PSEN1: variants seen among roughly 807,000 people sequenced by gnomAD.
PSEN1 encodes presenilin 1.
Under a neutral mutation model 53.5 loss-of-function variants are expected in PSEN1, and 15 were observed. The observed-to-expected ratio is 0.28, with a 90% CI of 0.19 to 0.43. The LOEUF is 0.43. Among genes scored for constraint, PSEN1 ranks in the 20% least tolerant of loss-of-function variants. PSEN1 has a pLI of 1.00. For missense variants in PSEN1, 387 were observed against 571.2 expected, an observed-to-expected ratio of 0.68 and a Z score of 3.29; for synonymous variants, 208 against 209.8, an observed-to-expected ratio of 0.99 and a Z score of 0.08.
At chr14:73,154,585 A>AGT (rs1213375650) in intron 3 of PSEN1, among the ~76,000 whole-genome samples, 1 of 152,166 alleles carries the variant, frequency 6.6e-6, no homozygotes, top group Admixed American at 6.6e-5. Context: ...TGGGCAGCAA[A>AGT]GTGAGACCCT....
In PSEN1 at chr14:73,202,418, C is replaced by T. The variant is rs28482166; in HGVS notation, c.869-3968C>T. Among the ~76,000 whole-genome samples, 262 of 27,194 alleles carry T rather than the reference C, an allele frequency of 9.6e-3. 4 individuals carry two copies. The highest frequency in any genetic ancestry group is 0.022 in the African/African-American group (133 of 5,920). 17.8% of individuals were successfully genotyped at this position (27,194 alleles called of 152,430 possible). On this transcript the variant is annotated intron_variant, in intron 8 of 11. Transcript: ENST00000324501. ...TCTGTTTTAAAATATCTATCACATA[C>T]TATATATATATATATATATATATAT... is the stretch of plus-strand genomic sequence containing the variant.
At chr14:73,217,720 C>G in intron 11 of PSEN1, among the ~76,000 whole-genome samples, 1 of 151,836 alleles carries the variant, frequency 6.6e-6, no homozygotes, top group East Asian at 1.9e-4. Context: ...GTGAGAGGAG[C>G]TGGTGCCATG....
chr14:73,159,245 G>A (rs925001464), intron 3 of PSEN1, among the ~76,000 whole-genome samples: 4 of 151,144 alleles, frequency 2.6e-5, no homozygotes, highest in Admixed American at 6.6e-5. Context: ...ATAGTGGTGT[G>A]ATTATAGCTC....
At chr14:73,140,242 CCT>C (rs1290551726) in intron 1 of PSEN1, among the ~76,000 whole-genome samples, 1 of 136,876 alleles carries the variant, frequency 7.3e-6, no homozygotes, top group Non-Finnish European at 1.6e-5. Context: ...ACAGAGTCTC[CCT>C]CTGTCGCCCA....
intron 9 of PSEN1, among the ~76,000 whole-genome samples, chr14:73,209,194 CA>C (rs897153796): frequency 7.9e-5 from 12 of 152,214 alleles, no homozygotes; most frequent in Non-Finnish European, 1.8e-4. Flanking sequence ...ACTTCTGCCC[CA>C]CCAACTCAGA....
intron 3 of PSEN1, among the ~76,000 whole-genome samples, chr14:73,162,494 G>T (rs997358172): frequency 6.7e-6 from 1 of 148,472 alleles, no homozygotes; most frequent in South Asian, 2.2e-4. Flanking sequence ...GAGAGAGAGA[G>T]CACGCGAACA....
At chr14:73,185,079 A>G (rs1566637374) in intron 5 of PSEN1, among the ~76,000 whole-genome samples, 3 of 147,154 alleles carry the variant, frequency 2.0e-5, no homozygotes, top group Non-Finnish European at 4.5e-5. Context: ...CTCACTTCCT[A>G]GGTGGGATGG....
intron 4 of PSEN1, 99 bp from the exon 5 acceptor site, chr14:73,173,467 A>G: frequency 8.0e-7 from 1 of 1,245,496 alleles, no homozygotes; most frequent in Non-Finnish European, 1.2e-6. Context: ...TAAGATACGA[A>G]TTGAATTAAG....
At chr14:73,176,573 CTG>C (rs1566632296) in intron 5 of PSEN1, among the ~76,000 whole-genome samples, 1 of 152,206 alleles carries the variant, frequency 6.6e-6, no homozygotes, top group African/African-American at 2.4e-5. Context: ...TTTAATTTTT[CTG>C]TGTTTTCATA....
At chr14:73,156,694 GCT>G (rs1322154127) in intron 3 of PSEN1, among the ~76,000 whole-genome samples, 1 of 150,572 alleles carries the variant, frequency 6.6e-6, no homozygotes, top group Non-Finnish European at 1.5e-5. Flanking sequence ...ATGGAGTCTT[GCT>G]CTGTCACCCA....
At chr14:73,162,441 T>TCGCG (rs1211303902) in intron 3 of PSEN1, among the ~76,000 whole-genome samples, 1 of 137,726 alleles carries the variant, frequency 7.3e-6, no homozygotes, top group Non-Finnish European at 1.6e-5. Flanking sequence ...TCTCGCTCGC[T>TCGCG]CGCGCGCTCT....
At chr14:73,176,024 A>G (rs1404712406) in intron 5 of PSEN1, among the ~76,000 whole-genome samples, 1 of 152,252 alleles carries the variant, frequency 6.6e-6, no homozygotes, top group Admixed American at 6.5e-5. Context: ...GTTACTAGTA[A>G]TATCACATAC....
intron 3 of PSEN1, among the ~76,000 whole-genome samples, chr14:73,167,223 C>T (rs1418203028): frequency 6.6e-6 from 1 of 152,122 alleles, no homozygotes; most frequent in Non-Finnish European, 1.5e-5. Flanking sequence ...AAGTCACTCC[C>T]ATGATAACTA....
rs949988293 is a variant in PSEN1 at position 73,220,946 on chromosome 14, C to A, written c.*1657C>A. The A allele has an allele frequency of 6.6e-6, 1 of 152,256 alleles. No individual in the cohort carries two copies. Among genetic ancestry groups the A allele is most frequent in the Non-Finnish European group, 1.5e-5 (1 of 68,120 alleles). 9.4% of individuals were successfully genotyped at this position (152,256 alleles called of 1,614,324 possible). ...GCGTTTATGAGAAACTTAGTTTCCT[C>A]CTGTGGCTGAGGAGGGGCCAGCTTT... On this transcript the variant is annotated 3_prime_UTR_variant, in exon 12 of 12. Transcript: ENST00000324501.
chr14:73,193,547 CTCAAAAAAAAAAAAAAA>C (rs1898811368), intron 7 of PSEN1, among the ~76,000 whole-genome samples: 1 of 64,968 alleles, frequency 1.5e-5, no homozygotes, highest in Non-Finnish European at 2.8e-5. Context: ...GAGACTCTGT[CTCAAAAAAAAAAAAAAA>C]GCAAAAAAAA....
chr14:73,195,605 T>G (rs1898907413), intron 7 of PSEN1, among the ~76,000 whole-genome samples: 1 of 152,150 alleles, frequency 6.6e-6, no homozygotes, highest in Non-Finnish European at 1.5e-5. Flanking sequence ...TTTTTTCTGT[T>G]TTAAGAAACA....
intron 3 of PSEN1, among the ~76,000 whole-genome samples, chr14:73,150,289 T>A (rs1007931904): frequency 1.2e-4 from 18 of 152,152 alleles, no homozygotes; most frequent in Admixed American, 1.3e-4. Flanking sequence ...AAGAGACTAG[T>A]TATATGACAA....
chr14:73,157,418 C>T (rs1422132755), intron 3 of PSEN1, among the ~76,000 whole-genome samples: 1 of 152,032 alleles, frequency 6.6e-6, no homozygotes, highest in Non-Finnish European at 1.5e-5. Flanking sequence ...GGATTACAGG[C>T]GTGAGTCACC....
chr14:73,157,039 C>A (rs1348154291), intron 3 of PSEN1, among the ~76,000 whole-genome samples: 2 of 152,004 alleles, frequency 1.3e-5, no homozygotes, highest in African/African-American at 4.8e-5. Flanking sequence ...CAAGATTTTT[C>A]CTTTCGGAAA....
Sources: allele counts gnomAD v4.1 joint callset (sites outside exome capture counted in the v4.1 genomes callset), GRCh38; gene constraint gnomAD v4.1.1; transcripts MANE v1.5; gene names NCBI Gene and HGNC (gene_info 2026-07-23, HGNC 2026-07-21).